NEK3: variants seen among roughly 807,000 people sequenced by gnomAD.
NEK3 encodes serine/threonine-protein kinase Nek3.
NEK3 carries 54 observed loss-of-function variants against 66.0 expected under a neutral mutation model. That is an observed-to-expected ratio of 0.82 (90% CI 0.66 to 1.03). The LOEUF (loss-of-function observed/expected upper bound fraction) is 1.03. Among genes scored for constraint, NEK3 ranks in the 50% least tolerant of loss-of-function variants. The pLI is 0.00. For synonymous variants in NEK3, 200 were observed against 206.2 expected, an observed-to-expected ratio of 0.97 and a Z score of 0.26; for missense variants, 593 against 603.0, an observed-to-expected ratio of 0.98 and a Z score of 0.17.
chr13:52,136,460 C>A (rs1348490215), intron 12 of NEK3, among the ~76,000 whole-genome samples: 1 of 151,654 alleles, frequency 6.6e-6, no homozygotes, highest in African/African-American at 2.4e-5. Context: ...TAAAACGAAC[C>A]ATTACAGTGA....
intron 7 of NEK3, 73 bp downstream of exon 7, chr13:52,151,073 A>C: frequency 1.7e-6 from 2 of 1,158,216 alleles, no homozygotes; most frequent in Non-Finnish European, 2.5e-6. Flanking sequence ...GTGACGTCAG[A>C]CTCTAGCATC....
At chr13:52,142,184 A>C (rs1189325996) in intron 10 of NEK3, among the ~76,000 whole-genome samples, 2 of 152,166 alleles carry the variant, frequency 1.3e-5, no homozygotes, top group African/African-American at 4.8e-5. Flanking sequence ...CCAGCATTTT[A>C]AAACTAATTT....
chr13:52,144,815 G>A lies in NEK3; in HGVS notation c.680C>T (p.Ser227Phe), dbSNP rs774156260. 4.0e-5 allele frequency: 65 copies of A among 1,612,970 alleles called. No homozygotes were observed. Among genetic ancestry groups the A allele is most frequent in the Non-Finnish European group, 5.2e-5 (61 of 1,179,334 alleles). ...CTTGACTAGGAACTGAAGTTCATAG[G>A]AGTAATGAGACGGCAGTGGACTGAT... is the stretch of plus-strand genomic sequence containing the variant. ...GCISPLPSHY[S>F]YELQFLVKQM... The change falls in exon 9 of 16, where the codon TCC (serine) becomes TTC (phenylalanine). Residue 227 changes from serine to phenylalanine, a missense_variant. Physicochemically the swap from Ser to Phe is radical, Grantham distance 155. Coordinates refer to ENST00000610828, the MANE Select transcript of NEK3 (RefSeq NM_002498.3).
At chr13:52,148,993 A>G (rs1320570640) in intron 7 of NEK3, among the ~76,000 whole-genome samples, 1 of 151,764 alleles carries the variant, frequency 6.6e-6, no homozygotes, top group Non-Finnish European at 1.5e-5. Context: ...CCGGATTCAC[A>G]CCATTCTCCT....
intron 7 of NEK3, among the ~76,000 whole-genome samples, chr13:52,149,146 G>C (rs750166729): frequency 1.3e-5 from 2 of 151,896 alleles, no homozygotes; most frequent in African/African-American, 4.8e-5. Context: ...TGATCCGCGC[G>C]CCTCAGCCTC....
At chr13:52,149,358 A>G (rs555760673) in intron 7 of NEK3, among the ~76,000 whole-genome samples, 1 of 152,230 alleles carries the variant, frequency 6.6e-6, no homozygotes, top group South Asian at 2.1e-4. Flanking sequence ...CTACAAGCAC[A>G]CACCACCAGG....
At chr13:52,159,834 G>T (rs2138221340), upstream of NEK3, 1 of 152,412 alleles carries the variant, frequency 6.6e-6, no homozygotes, top group South Asian at 2.1e-4. Context: ...ACAGCACTCA[G>T]TGCTAGCTAG....
intron 14 of NEK3, among the ~76,000 whole-genome samples, chr13:52,134,552 T>C (rs1956186815): frequency 6.6e-6 from 1 of 152,214 alleles, no homozygotes; most frequent in Non-Finnish European, 1.5e-5. Flanking sequence ...TTTCCAGGTA[T>C]AATTACTTTT....
Position 52,133,785 on chromosome 13 carries a change from G to A in NEK3, c.1340C>T (p.Ser447Phe). 1 of 1,598,460 alleles carries A rather than the reference G, an allele frequency of 6.3e-7. No individual in the cohort carries two copies. The highest frequency in any genetic ancestry group is 1.1e-5 in the South Asian group (1 of 88,228). ...ACTGTCCGATGCTTCTGTTTCTTCA[G>A]ACAGGGGGCCTTTCAAGAACCCTTC... ...GSEGFLKGPL[S>F]EETEASDSVD... is the part of the protein sequence containing the mutation. Residue 447 changes from serine (S) to phenylalanine (F), a missense_variant, in exon 15 of 16, where the codon TCT becomes TTT. Transcript: ENST00000610828.
At chr13:52,149,339 T>C (rs1956320159) in intron 7 of NEK3, among the ~76,000 whole-genome samples, 1 of 152,144 alleles carries the variant, frequency 6.6e-6, no homozygotes, top group Non-Finnish European at 1.5e-5. Context: ...GCCTCCCAGG[T>C]AGTTGGGACT....
chr13:52,154,747 T>G (rs1956377707), intron 2 of NEK3, among the ~76,000 whole-genome samples: 1 of 150,940 alleles, frequency 6.6e-6, no homozygotes, highest in South Asian at 2.1e-4. Context: ...ATGATTCATC[T>G]TACAATCAAG....
chr13:52,153,730 C>G (rs1239183093), intron 4 of NEK3, among the ~76,000 whole-genome samples, 165 bp downstream of exon 4: 6 of 152,044 alleles, frequency 3.9e-5, no homozygotes, highest in Non-Finnish European at 8.8e-5. Context: ...TTCAGGCAGC[C>G]ATATCCTGAG....
chr13:52,138,408 G>A (rs1166751577), intron 11 of NEK3, among the ~76,000 whole-genome samples: 3 of 152,044 alleles, frequency 2.0e-5, no homozygotes, highest in Admixed American at 2.0e-4. Context: ...CATAAAAATG[G>A]GTAAATTTTG....
chr13:52,152,495 G>T, intron 5 of NEK3, 114 bp downstream of exon 5: 1 of 555,332 alleles, frequency 1.8e-6, no homozygotes, highest in East Asian at 3.0e-5. Flanking sequence ...CAAATATTAG[G>T]CTGACAAATA....
At chr13:52,138,186 A>C (rs995946399) in intron 11 of NEK3, among the ~76,000 whole-genome samples, 2 of 152,088 alleles carry the variant, frequency 1.3e-5, no homozygotes, top group Admixed American at 1.3e-4. Flanking sequence ...ATGCCCACCT[A>C]AAATTTTTAA....
chr13:52,153,830 ATAT>A, intron 4 of NEK3, 62 bp downstream of exon 4: 1 of 1,055,018 alleles, frequency 9.5e-7, no homozygotes. Flanking sequence ...ATTTTAACTT[ATAT>A]AAAGTTTATG....
In NEK3 at chr13:52,151,127, T is replaced by C; in HGVS notation, c.548+19A>G. Reference sequence around the variant, plus strand: ...CTGTCACCAAATGGGCACCCTGACATCAAATATGCAGCACTCACCTTTTAT... The same window carrying C: ...CTGTCACCAAATGGGCACCCTGACACCAAATATGCAGCACTCACCTTTTAT... On this transcript the variant is annotated intron_variant, in intron 7 of 15. Transcript: ENST00000610828. The C allele has an allele frequency of 6.3e-7, 1 of 1,592,040 alleles. No homozygotes were observed. The highest frequency in any genetic ancestry group is 8.6e-7 in the Non-Finnish European group (1 of 1,168,022).
intron 14 of NEK3, among the ~76,000 whole-genome samples, chr13:52,134,792 G>A (rs1956189024): frequency 6.6e-6 from 1 of 152,114 alleles, no homozygotes; most frequent in South Asian, 2.1e-4. Flanking sequence ...CCTCTCCTTA[G>A]GGCTTCCATG....
intron 7 of NEK3, among the ~76,000 whole-genome samples, chr13:52,150,877 C>T (rs17069418): frequency 0.011 from 1,681 of 152,228 alleles, 24 homozygotes; most frequent in East Asian, 0.063. Flanking sequence ...TAATTCATAC[C>T]GTCCCTAGAA....
Sources: gnomAD v4.1 joint callset for allele counts (sites outside exome capture counted in the v4.1 genomes callset) on GRCh38, gnomAD v4.1.1 for gene constraint, MANE v1.5 for transcripts, NCBI Gene and HGNC (gene_info 2026-07-23, HGNC 2026-07-21) for gene names.